CCBE1: variants seen among roughly 807,000 people sequenced by gnomAD.
CCBE1 encodes collagen and calcium-binding EGF domain-containing protein 1.
A neutral mutation model predicts 50.0 loss-of-function variants in CCBE1; 37 were observed. The observed-to-expected ratio is 0.74, with a 90% CI of 0.57 to 0.97. The LOEUF is 0.97. Among genes scored for constraint, CCBE1 ranks in the 50% least tolerant of loss-of-function variants. CCBE1 has a pLI of 0.00. For synonymous variants in CCBE1, 234 were observed against 203.7 expected, an observed-to-expected ratio of 1.15 and a Z score of -1.27; for missense variants, 538 against 523.8, an observed-to-expected ratio of 1.03 and a Z score of -0.26.
At chr18:59,678,090 G>A (rs533762884) in intron 2 of CCBE1, among the ~76,000 whole-genome samples, 11 of 152,300 alleles carry the variant, frequency 7.2e-5, no homozygotes, top group South Asian at 6.2e-4. Context: ...GTAAGCGGGT[G>A]CGGTAGTCGT....
At chr18:59,504,560 G>A (rs930128585) in intron 2 of CCBE1, among the ~76,000 whole-genome samples, 14 of 152,048 alleles carry the variant, frequency 9.2e-5, no homozygotes, top group Admixed American at 8.5e-4. Flanking sequence ...GACAGAAAAG[G>A]ACATGGAAAA....
intron 6 of CCBE1, among the ~76,000 whole-genome samples, chr18:59,452,945 G>C (rs550247334): frequency 6.6e-6 from 1 of 151,890 alleles, no homozygotes; most frequent in Non-Finnish European, 1.5e-5. Flanking sequence ...AGTTACTGGA[G>C]TATTAAGATG....
At chr18:59,680,439 A>ACGCC (rs2054572498) in intron 2 of CCBE1, among the ~76,000 whole-genome samples, 2 of 151,332 alleles carry the variant, frequency 1.3e-5, no homozygotes, top group Non-Finnish European at 2.9e-5. Context: ...GGTGGTTTGC[A>ACGCC]TGTAATCCCA....
intron 2 of CCBE1, among the ~76,000 whole-genome samples, chr18:59,553,790 T>C (rs1193159258): frequency 6.6e-6 from 1 of 152,242 alleles, no homozygotes; most frequent in Non-Finnish European, 1.5e-5. Context: ...CCTCCAACAC[T>C]GCAGCCTCTG....
chr18:59,602,056 C>T (rs553481692), intron 2 of CCBE1, among the ~76,000 whole-genome samples: 87 of 151,382 alleles, frequency 5.7e-4, no homozygotes, highest in Non-Finnish European at 1.1e-3. Flanking sequence ...AAAAGATCCA[C>T]CTCAATTCAA....
chr18:59,644,262 G>T (rs2054027232), intron 2 of CCBE1, among the ~76,000 whole-genome samples: 1 of 152,164 alleles, frequency 6.6e-6, no homozygotes, highest in African/African-American at 2.4e-5. Flanking sequence ...AGGCAATAAT[G>T]CTCCCTCACC....
intron 2 of CCBE1, among the ~76,000 whole-genome samples, chr18:59,571,688 A>G (rs1291460249): frequency 6.6e-6 from 1 of 152,260 alleles, no homozygotes; most frequent in Non-Finnish European, 1.5e-5. Context: ...ATGAATAAAC[A>G]TATGGATGAA....
chr18:59,503,038 A>T (rs139779394), intron 2 of CCBE1, among the ~76,000 whole-genome samples: 643 of 152,286 alleles, frequency 4.2e-3, no homozygotes, highest in Non-Finnish European at 6.6e-3. Flanking sequence ...CAATCACACA[A>T]ATGTGCTCAA....
At chr18:59,579,330 C>T (rs904574569) in intron 2 of CCBE1, among the ~76,000 whole-genome samples, 1 of 151,928 alleles carries the variant, frequency 6.6e-6, no homozygotes, top group Non-Finnish European at 1.5e-5. Flanking sequence ...GGATCATGCA[C>T]CTGACAAACA....
At chr18:59,559,437 C>T (rs750316861) in intron 2 of CCBE1, among the ~76,000 whole-genome samples, 9 of 152,170 alleles carry the variant, frequency 5.9e-5, no homozygotes, top group Non-Finnish European at 8.8e-5. Flanking sequence ...CTGTGGTGCC[C>T]GTGCCCCGCC....
chr18:59,454,835 C>G lies in CCBE1; in HGVS notation c.654+16G>C, dbSNP rs1181312240. ...CTTCCATCAGGCATCATCGTTCCCACCCCAGCGGCACGTACCTTTTGCTTC... is the reference window on the plus strand; with the variant it reads ...CTTCCATCAGGCATCATCGTTCCCAGCCCAGCGGCACGTACCTTTTGCTTC... On this transcript the variant is annotated intron_variant, in intron 6 of 10. Transcript: ENST00000439986. 1 of 1,609,468 alleles carries G rather than the reference C, an allele frequency of 6.2e-7. No individual in the cohort carries two copies.
At chr18:59,675,783 G>C (rs2054492725) in intron 2 of CCBE1, among the ~76,000 whole-genome samples, 1 of 152,170 alleles carries the variant, frequency 6.6e-6, no homozygotes, top group African/African-American at 2.4e-5. Context: ...TACACTAGAG[G>C]GTGCTGCTAG....
chr18:59,596,377 A>C (rs573254861), intron 2 of CCBE1, among the ~76,000 whole-genome samples: 202 of 152,332 alleles, frequency 1.3e-3, no homozygotes, highest in African/African-American at 4.7e-3. Flanking sequence ...TTCCTTGTTC[A>C]ACACTGAAGG....
intron 2 of CCBE1, among the ~76,000 whole-genome samples, chr18:59,667,013 C>A (rs1474266258): frequency 1.3e-5 from 2 of 152,138 alleles, no homozygotes; most frequent in Non-Finnish European, 1.5e-5. Flanking sequence ...GTGGTTGATG[C>A]CCATAATCCC....
At chr18:59,473,030 G>T (rs904524261) in intron 3 of CCBE1, among the ~76,000 whole-genome samples, 2 of 152,114 alleles carry the variant, frequency 1.3e-5, no homozygotes, top group Non-Finnish European at 2.9e-5. Context: ...CCCTTGACAC[G>T]TGGGGATTAT....
chr18:59,485,213 T>A (rs1025262172), intron 2 of CCBE1, among the ~76,000 whole-genome samples: 5 of 152,300 alleles, frequency 3.3e-5, no homozygotes, highest in East Asian at 1.9e-4. Context: ...ATCAAGAAAG[T>A]CTGTGGAGTT....
chr18:59,442,712 A>G (rs1384452822), intron 7 of CCBE1, among the ~76,000 whole-genome samples: 1 of 152,196 alleles, frequency 6.6e-6, no homozygotes, highest in Non-Finnish European at 1.5e-5. Context: ...TAGGCAACAG[A>G]ATGAGACTCC....
At chr18:59,583,557 G>A (rs1167334966) in intron 2 of CCBE1, among the ~76,000 whole-genome samples, 1 of 152,110 alleles carries the variant, frequency 6.6e-6, no homozygotes, top group African/African-American at 2.4e-5. Flanking sequence ...TTTCTAAAGG[G>A]TGATATAAAT....
In CCBE1 at chr18:59,614,726, C is replaced by T. The variant is rs547549651; in HGVS notation, c.212+81903G>A. Among the ~76,000 whole-genome samples the T allele has an allele frequency of 2.0e-5, 3 of 152,342 alleles. No individual in the cohort carries two copies. The East Asian group carries it at 5.8e-4, about 29-fold the overall frequency. On this transcript the variant is annotated intron_variant, in intron 2 of 10. Coordinates refer to ENST00000439986, the MANE Select transcript of CCBE1 (RefSeq NM_133459.4). ...AGAGTTTGTTTCTTTGGTTCTGAAC[C>T]CATCTCCAAGACTTTGTCGTCACAG...
Sources: allele counts gnomAD v4.1 joint callset (sites outside exome capture counted in the v4.1 genomes callset), GRCh38; gene constraint gnomAD v4.1.1; transcripts MANE v1.5; gene names NCBI Gene and HGNC (gene_info 2026-07-23, HGNC 2026-07-21).